AKAP12: variants seen among roughly 807,000 people sequenced by gnomAD.
AKAP12 encodes A-kinase anchoring protein 12.
Under a neutral mutation model 79.9 loss-of-function variants are expected in AKAP12, and 32 were observed. That is an observed-to-expected ratio of 0.40 (90% CI 0.30 to 0.54). The LOEUF (loss-of-function observed/expected upper bound fraction) is 0.54. Among genes scored for constraint, AKAP12 ranks in the 20% least tolerant of loss-of-function variants. The pLI is 0.48. For synonymous variants in AKAP12, 808 were observed against 857.0 expected (o/e 0.94, Z 1.00); for missense variants, 2,074 against 2,177.0 (o/e 0.95, Z 0.94).
rs796208815 is a variant in AKAP12 at position 151,351,282 on chromosome 6, C to A, written c.2891C>A (p.Thr964Lys). ...LPENREARGD[T>K]VVSEAELTPE... The stretch of plus-strand genomic sequence containing the variant: ...GAGAACAGAGAGGCCCGGGGCGACA[C>A]GGTCGTTAGTGAGGCGGAATTGACC... Residue 964 changes from threonine to lysine, a missense_variant, in exon 4 of 5, where the codon ACG becomes AAG. Coordinates refer to ENST00000402676, the MANE Select transcript of AKAP12 (RefSeq NM_005100.4). This position sits in a 1 kb window ranked among gnomAD's most constrained non-coding sequence, Gnocchi z 4.4. The A allele has an allele frequency of 6.2e-7, 1 of 1,614,178 alleles. No individual in the cohort carries two copies. The highest frequency in any genetic ancestry group is 2.2e-5 in the East Asian group (1 of 44,876).
chr6:151,341,615 C>G, intron 3 of AKAP12: 1 of 894,922 alleles, frequency 1.1e-6, no homozygotes, highest in Non-Finnish European at 1.4e-6. Context: ...CGCGCTGGGC[C>G]TCACGGGCGG....
intron 3 of AKAP12, among the ~76,000 whole-genome samples, chr6:151,311,882 T>A (rs1299508966): frequency 6.6e-6 from 1 of 152,190 alleles, no homozygotes; most frequent in Non-Finnish European, 1.5e-5. Flanking sequence ...TTTGAACATT[T>A]AATAACTTTA....
chr6:151,329,675 C>T (rs1335263715), intron 3 of AKAP12, among the ~76,000 whole-genome samples: 1 of 151,996 alleles, frequency 6.6e-6, no homozygotes, highest in Non-Finnish European at 1.5e-5. Flanking sequence ...GAGACAGATT[C>T]CTTGTCAAGA....
chr6:151,287,325 T>C (rs1427103073), intron 2 of AKAP12, among the ~76,000 whole-genome samples: 1 of 152,102 alleles, frequency 6.6e-6, no homozygotes, highest in African/African-American at 2.4e-5. Flanking sequence ...AGTGGCACAA[T>C]CATGGCTCAC....
rs1185564468 is a variant in AKAP12, at chr6:151,252,732, GAAAAAAAA to G, written c.162+12023_162+12030del. On this transcript the variant is annotated intron_variant, in intron 2 of 4. Transcript: ENST00000402676. ...AAGATACCAAGACCCCTGTCTCTGG[GAAAAAAAA>G]AAAAAAAAAAAAAAGATGAGAAAAC... is the stretch of plus-strand genomic sequence containing the variant. 5.6e-3 allele frequency among the ~76,000 whole-genome samples: 533 copies of G among 95,822 alleles called. 7 individuals are homozygous for G. The highest frequency in any genetic ancestry group is 0.02 in the African/African-American group (508 of 24,968). 62.9% of individuals were successfully genotyped at this position (95,822 alleles called of 152,430 possible).
Position 151,271,794 on chromosome 6 carries a change from T to G in AKAP12, c.162+31070T>G, listed in dbSNP as rs182957413. Among the ~76,000 whole-genome samples the G allele has an allele frequency of 1.8e-3, 280 of 152,032 alleles. 1 individual carries two copies. Among genetic ancestry groups the G allele is most frequent in the South Asian group, 0.011 (52 of 4,806 alleles). On this transcript the variant is annotated intron_variant, in intron 2 of 4. Transcript: ENST00000402676. ...CATGTCTCAGCCTCCTGAGTAGCTG[T>G]GATTACAGGCGCTTGCCACCACGCC...
intron 3 of AKAP12, among the ~76,000 whole-genome samples, chr6:151,307,182 T>G (rs1416440519): frequency 6.6e-6 from 1 of 152,214 alleles, no homozygotes; most frequent in Admixed American, 6.5e-5. Context: ...GCCAACACTT[T>G]ATGTGCTTTT....
At chr6:151,336,705 T>C (rs1179578929) in intron 3 of AKAP12, among the ~76,000 whole-genome samples, 1 of 152,202 alleles carries the variant, frequency 6.6e-6, no homozygotes, top group African/African-American at 2.4e-5. Context: ...ATCACACCAC[T>C]GCACTCCAGC....
chr6:151,343,076 G>T (rs1777994156), intron 3 of AKAP12, among the ~76,000 whole-genome samples: 1 of 152,106 alleles, frequency 6.6e-6, no homozygotes, highest in African/African-American at 2.4e-5. Flanking sequence ...TAGCTGTTTT[G>T]TTCTGCCTGC....
At chr6:151,316,163 G>T (rs1488057936) in intron 3 of AKAP12, among the ~76,000 whole-genome samples, 2 of 152,190 alleles carry the variant, frequency 1.3e-5, no homozygotes, top group African/African-American at 4.8e-5. Context: ...ATTTATTCCT[G>T]CATATCATGC....
intron 2 of AKAP12, among the ~76,000 whole-genome samples, chr6:151,303,257 C>T (rs1776899538): frequency 6.6e-6 from 1 of 152,120 alleles, no homozygotes; most frequent in African/African-American, 2.4e-5. Context: ...AGACACACTG[C>T]CCCCTTCTCC....
At chr6:151,325,305 G>C (rs1777495495) in intron 3 of AKAP12, 1 of 985,352 alleles carries the variant, frequency 1.0e-6, no homozygotes, top group Non-Finnish European at 1.2e-6. Flanking sequence ...AGAATTTACT[G>C]TCTGTGTGGC....
chr6:151,325,999 G>A (rs1777514119), intron 3 of AKAP12: 1 of 1,442,974 alleles, frequency 6.9e-7, no homozygotes, highest in South Asian at 1.2e-5. Context: ...GGTCAGTGGC[G>A]GGACCGTTAT....
Position 151,281,426 on chromosome 6 carries a change from A to G in AKAP12, c.163-24321A>G, listed in dbSNP as rs111704158. ...TAACTGTAATTCTGTAGGTCTATGTATTGGTTCGCTATTTTAATTTCAGGT... is the reference window on the plus strand; with the variant it reads ...TAACTGTAATTCTGTAGGTCTATGTGTTGGTTCGCTATTTTAATTTCAGGT... On this transcript the variant is annotated intron_variant, in intron 2 of 4. Coordinates refer to ENST00000402676, the MANE Select transcript of AKAP12 (RefSeq NM_005100.4). Among the ~76,000 whole-genome samples, 557 of 152,210 alleles carry G rather than the reference A, an allele frequency of 3.7e-3. 5 individuals are homozygous for G. Among genetic ancestry groups the G allele is most frequent in the African/African-American group, 0.013 (521 of 41,536 alleles).
At chr6:151,336,890 AGATTTTGCCCAAGGAC>A (rs1332830356) in intron 3 of AKAP12, among the ~76,000 whole-genome samples, 1 of 152,176 alleles carries the variant, frequency 6.6e-6, no homozygotes, top group Non-Finnish European at 1.5e-5. Context: ...CTAAGAACAG[AGATTTTGCCCAAGGAC>A]CCGGTGCTAG....
At chr6:151,241,826 C>CAAA (rs59482970) in intron 2 of AKAP12, among the ~76,000 whole-genome samples, 4 of 123,892 alleles carry the variant, frequency 3.2e-5, no homozygotes, top group Admixed American at 7.8e-5. Context: ...TTACAATATG[C>CAAA]AAAAAAAAAA....
At chr6:151,341,037 T>C (rs558142454) in intron 3 of AKAP12, among the ~76,000 whole-genome samples, 15 of 148,062 alleles carry the variant, frequency 1.0e-4, no homozygotes, top group African/African-American at 3.9e-4. Flanking sequence ...CCTTTTTGTT[T>C]GTTTTTGTTT....
chr6:151,268,996 C>T (rs1237139841), intron 2 of AKAP12, among the ~76,000 whole-genome samples: 1 of 128,942 alleles, frequency 7.8e-6, no homozygotes, highest in Non-Finnish European at 1.6e-5. Context: ...CATCTAAACC[C>T]TTACTTTAAT....
chr6:151,337,796 A>G (rs1451491735), intron 3 of AKAP12, among the ~76,000 whole-genome samples: 5 of 152,216 alleles, frequency 3.3e-5, no homozygotes, highest in African/African-American at 1.2e-4. Flanking sequence ...CTGTAATCCC[A>G]GCACTTTGGG....
Sources: gnomAD v4.1 joint callset for allele counts (sites outside exome capture counted in the v4.1 genomes callset) on GRCh38, gnomAD v4.1.1 for gene constraint, Gnocchi (gnomAD v3.1) non-coding constraint, MANE v1.5 for transcripts, NCBI Gene and HGNC (gene_info 2026-07-23, HGNC 2026-07-21) for gene names.